GALNTL6: variants seen among roughly 807,000 people sequenced by gnomAD.
GALNTL6 encodes the protein polypeptide N-acetylgalactosaminyltransferase like 6.
Under a neutral mutation model 73.7 loss-of-function variants are expected in GALNTL6, and 46 were observed. The observed-to-expected ratio is 0.62, with a 90% CI of 0.49 to 0.80. The LOEUF is 0.80. GALNTL6 is among the 30% of genes least tolerant of loss of function. The probability of loss-of-function intolerance (pLI) is 0.00; values close to 1 mark genes in which losing one functional copy is unlikely to be tolerated. For missense variants in GALNTL6, 604 were observed against 755.0 expected, an observed-to-expected ratio of 0.80 and a Z score of 2.34; for synonymous variants, 259 against 263.7, an observed-to-expected ratio of 0.98 and a Z score of 0.17.
intron 7 of GALNTL6, among the ~76,000 whole-genome samples, chr4:172,859,622 G>A (rs1000140866): frequency 6.6e-6 from 1 of 152,120 alleles, no homozygotes; most frequent in African/African-American, 2.4e-5. Context: ...AGGATAGACA[G>A]GTTTGAGAAA....
chr4:172,017,962 A>G (rs1482355031), intron 2 of GALNTL6, among the ~76,000 whole-genome samples: 1 of 151,530 alleles, frequency 6.6e-6, no homozygotes, highest in East Asian at 1.9e-4. Context: ...TTGGTTGTAG[A>G]TATGTTCACT....
intron 5 of GALNTL6, among the ~76,000 whole-genome samples, chr4:172,361,476 G>T (rs1191599809): frequency 1.3e-5 from 2 of 152,036 alleles, no homozygotes; most frequent in African/African-American, 2.4e-5. Flanking sequence ...AACAACAAAT[G>T]CCACAGTATT....
At chr4:172,021,522 G>A (rs138790337) in intron 2 of GALNTL6, among the ~76,000 whole-genome samples, 153 of 152,050 alleles carry the variant, frequency 1.0e-3, no homozygotes, top group African/African-American at 3.5e-3. Context: ...ATTATCCAAA[G>A]CAATCTACAG....
At chr4:172,204,492 T>C (rs1371630273) in intron 2 of GALNTL6, among the ~76,000 whole-genome samples, 1 of 152,214 alleles carries the variant, frequency 6.6e-6, no homozygotes, top group Non-Finnish European at 1.5e-5. Context: ...TCATAGGTAA[T>C]AATGTCTTTT....
chr4:171,881,244 C>T (rs111647137), intron 2 of GALNTL6, among the ~76,000 whole-genome samples: 116 of 152,272 alleles, frequency 7.6e-4, no homozygotes, highest in African/African-American at 2.5e-3. Context: ...AATAATTATT[C>T]ACAGAATGAA....
intron 3 of GALNTL6, among the ~76,000 whole-genome samples, chr4:172,282,872 T>A (rs75293102): frequency 0.018 from 2,669 of 152,242 alleles, 80 homozygotes; most frequent in African/African-American, 0.061. Context: ...AAGGAAGATG[T>A]TTCCTAATTT....
At chr4:172,608,461 G>A (rs187312751) in intron 5 of GALNTL6, among the ~76,000 whole-genome samples, 321 of 151,784 alleles carry the variant, frequency 2.1e-3, no homozygotes, top group African/African-American at 7.2e-3. Flanking sequence ...TTTGTTCTTG[G>A]GTTCTCTATT....
chr4:172,435,787 T>G lies in GALNTL6; in HGVS notation c.553+87098T>G, dbSNP rs562496142. Among the ~76,000 whole-genome samples, 5 of 152,266 alleles carry G rather than the reference T, an allele frequency of 3.3e-5. 1 individual carries two copies. In the South Asian group the frequency reaches 8.3e-4, roughly 25 times the overall value. ...ACCGAAGATATAACTAGTAAACGTC[T>G]GATTCTATTCTTCTTTAAAAGAAGT... is the stretch of plus-strand genomic sequence containing the variant. On this transcript the variant is annotated intron_variant, in intron 5 of 12. Transcript: ENST00000506823.
intron 2 of GALNTL6, among the ~76,000 whole-genome samples, chr4:171,980,150 C>G (rs1739854256): frequency 6.6e-6 from 1 of 151,864 alleles, no homozygotes; most frequent in East Asian, 1.9e-4. Flanking sequence ...CATTATTAAA[C>G]AGAAGCACTT....
intron 4 of GALNTL6, among the ~76,000 whole-genome samples, chr4:172,321,376 G>C (rs184441736): frequency 1.6e-4 from 24 of 152,210 alleles, no homozygotes; most frequent in African/African-American, 5.5e-4. Flanking sequence ...GAAACATCCT[G>C]TTTCCAACAA....
At chr4:171,873,533 G>A (rs566796409) in intron 2 of GALNTL6, among the ~76,000 whole-genome samples, 2 of 152,276 alleles carry the variant, frequency 1.3e-5, no homozygotes, top group East Asian at 3.9e-4. Context: ...AGTGTGGAAG[G>A]CAAGGGTGTA....
chr4:171,944,506 A>G (rs1738643470), intron 2 of GALNTL6, among the ~76,000 whole-genome samples: 1 of 151,990 alleles, frequency 6.6e-6, no homozygotes, highest in Non-Finnish European at 1.5e-5. Context: ...GGATACAGTG[A>G]TTTCTACTGG....
At chr4:172,834,496 A>T (rs905066858) in intron 7 of GALNTL6, among the ~76,000 whole-genome samples, 1 of 152,244 alleles carries the variant, frequency 6.6e-6, no homozygotes, top group African/African-American at 2.4e-5. Context: ...CAGAGCACCA[A>T]GCTTGCAATG....
At chr4:172,138,920 A>G (rs1194945081) in intron 2 of GALNTL6, among the ~76,000 whole-genome samples, 1 of 152,078 alleles carries the variant, frequency 6.6e-6, no homozygotes, top group Non-Finnish European at 1.5e-5. Flanking sequence ...TTCTTCCTCT[A>G]CTAAAGTGAT....
At chr4:172,315,600 TACTC>T (rs1740516330) in intron 4 of GALNTL6, among the ~76,000 whole-genome samples, 1 of 152,222 alleles carries the variant, frequency 6.6e-6, no homozygotes, top group African/African-American at 2.4e-5. Context: ...GTATTTTAAA[TACTC>T]ACTCCCTTCT....
intron 5 of GALNTL6, among the ~76,000 whole-genome samples, chr4:172,555,894 T>G (rs1429219685): frequency 2.0e-5 from 3 of 152,124 alleles, no homozygotes; most frequent in African/African-American, 7.2e-5. Flanking sequence ...ATATTTTGCA[T>G]TATGAGCAAC....
chr4:172,414,947 C>T (rs1356178081), intron 5 of GALNTL6, among the ~76,000 whole-genome samples: 4 of 152,104 alleles, frequency 2.6e-5, no homozygotes, highest in African/African-American at 7.2e-5. Flanking sequence ...ACAATAACAT[C>T]CTTTTTTTCA....
At chr4:173,013,049 T>C (rs1752624046) in intron 11 of GALNTL6, among the ~76,000 whole-genome samples, 1 of 152,152 alleles carries the variant, frequency 6.6e-6, no homozygotes, top group Non-Finnish European at 1.5e-5. Flanking sequence ...GAAGGCTCTG[T>C]GACTCCCAGA....
intron 5 of GALNTL6, among the ~76,000 whole-genome samples, chr4:172,803,294 CT>C (rs1740763279): frequency 6.6e-6 from 1 of 152,214 alleles, no homozygotes; most frequent in South Asian, 2.1e-4. Context: ...CACCTGAGCT[CT>C]GCCTCCTGTC....
Sources: allele counts gnomAD v4.1 joint callset (sites outside exome capture counted in the v4.1 genomes callset), GRCh38; gene constraint gnomAD v4.1.1; transcripts MANE v1.5; gene names NCBI Gene and HGNC (gene_info 2026-07-23, HGNC 2026-07-21).